The following RANGAP1 variants were observed in gnomAD, a reference collection of about 807,000 sequenced individuals.
The protein encoded by RANGAP1 is Ran GTPase activating protein 1.
A neutral mutation model predicts 63.5 loss-of-function variants in RANGAP1; 38 were observed. The ratio of observed to expected loss-of-function variants is 0.60; its 90% CI spans 0.46 to 0.78. The LOEUF (loss-of-function observed/expected upper bound fraction) is 0.78, where lower values mean the gene tolerates loss of function less well. Ranked by LOEUF, RANGAP1 falls within the 30% of genes least tolerant of loss-of-function variation. The pLI, the probability that RANGAP1 is intolerant of heterozygous loss-of-function variation, is 0.00. For synonymous variants in RANGAP1, 329 were observed against 310.5 expected (o/e 1.06, Z -0.63); for missense variants, 630 against 740.3 (o/e 0.85, Z 1.73).
chr22:41,254,839 G>A (rs986623850), intron 10 of RANGAP1, among the ~76,000 whole-genome samples: 2 of 152,108 alleles, frequency 1.3e-5, no homozygotes, highest in Non-Finnish European at 2.9e-5. Flanking sequence ...GGGTGTGGTG[G>A]CGGGCGCCTG....
chr22:41,265,079 T>C (rs2034390111), intron 4 of RANGAP1, among the ~76,000 whole-genome samples: 1 of 152,012 alleles, frequency 6.6e-6, no homozygotes, highest in Admixed American at 6.6e-5. Context: ...TTGTAAGAGG[T>C]GGCATTTGGA....
chr22:41,301,328 C>T, the RANGAP1 span, among the ~76,000 whole-genome samples: 1 of 152,074 alleles, frequency 6.6e-6, no homozygotes, highest in East Asian at 1.9e-4. Flanking sequence ...AAAGAAACCC[C>T]CCTAAAAGGC....
At chr22:41,259,293 G>A (rs1439082040) in intron 6 of RANGAP1, among the ~76,000 whole-genome samples, 7 of 152,170 alleles carry the variant, frequency 4.6e-5, no homozygotes, top group African/African-American at 7.2e-5. Flanking sequence ...GGGCAATGGG[G>A]GGAGCGGGTG....
Position 41,257,529 on chromosome 22 carries a change from C to G in RANGAP1, c.774+419G>C, listed in dbSNP as rs2033912834. 6.6e-6 allele frequency among the ~76,000 whole-genome samples: 1 copy of G among 152,204 alleles called. No individual in the cohort carries two copies. Among genetic ancestry groups the G allele is most frequent in the African/African-American group, 2.4e-5 (1 of 41,446 alleles). On this transcript the variant is annotated intron_variant, in intron 7 of 15. Transcript: ENST00000356244. The surrounding 1 kb of genome is among the most constrained non-coding windows in gnomAD (Gnocchi z 4.0). ...ACTCAGAAGGCTGAGGTGGGAGGAT[C>G]ACTTGATCCCAGAAGTTCAAGACCA...
chr22:41,247,748 C>T (rs2033146235), intron 15 of RANGAP1, among the ~76,000 whole-genome samples: 1 of 152,242 alleles, frequency 6.6e-6, no homozygotes, highest in Non-Finnish European at 1.5e-5. Context: ...GCAGCCAGGA[C>T]CAGGCCTGAC....
chr22:41,287,930 G>A (rs994063741), upstream of RANGAP1, among the ~76,000 whole-genome samples: 10 of 151,958 alleles, frequency 6.6e-5, no homozygotes, highest in African/African-American at 2.4e-4. Context: ...AGGTTGCAGT[G>A]AGCCGAGACG....
At chr22:41,258,831 T>G (rs1053936041) in intron 6 of RANGAP1, among the ~76,000 whole-genome samples, 1 of 152,114 alleles carries the variant, frequency 6.6e-6, no homozygotes, top group African/African-American at 2.4e-5. Context: ...ATTTTGTATT[T>G]TTAGTAGAGA....
intron 3 of RANGAP1, 53 bp from the exon 4 acceptor site, chr22:41,268,209 T>A: frequency 7.2e-7 from 1 of 1,381,282 alleles, no homozygotes; most frequent in Non-Finnish European, 1.0e-6. Flanking sequence ...TGGAGGCCCA[T>A]AGTGAAGCCT....
At chr22:41,289,071 C>T (rs1010714080), upstream of RANGAP1, among the ~76,000 whole-genome samples, 5 of 151,550 alleles carry the variant, frequency 3.3e-5, no homozygotes, top group African/African-American at 9.7e-5. Context: ...TACAGGTGCA[C>T]GCCACCACGC....
At chr22:41,291,779 T>C in the RANGAP1 span, among the ~76,000 whole-genome samples, 1 of 150,320 alleles carries the variant, frequency 6.7e-6, no homozygotes, top group African/African-American at 2.4e-5. Flanking sequence ...CGGGCATCTG[T>C]AGTCCCAGCT....
chr22:41,280,178 C>T (rs1229646445), intron 2 of RANGAP1, among the ~76,000 whole-genome samples: 1 of 152,180 alleles, frequency 6.6e-6, no homozygotes, highest in Non-Finnish European at 1.5e-5. Flanking sequence ...CATCAGCACG[C>T]TCCCAGCTAC....
upstream of RANGAP1, among the ~76,000 whole-genome samples, chr22:41,289,248 T>A (rs2035809204): frequency 6.6e-6 from 1 of 151,968 alleles, no homozygotes; most frequent in South Asian, 2.1e-4. Context: ...TAAACCTCTT[T>A]ACAAATGGGG....
At chr22:41,297,260 G>A in the RANGAP1 span, among the ~76,000 whole-genome samples, 1 of 152,030 alleles carries the variant, frequency 6.6e-6, no homozygotes, top group East Asian at 1.9e-4. Flanking sequence ...CCATCATGGA[G>A]GAGGAATTCT....
At chr22:41,266,645 C>T (rs529263408) in intron 4 of RANGAP1, among the ~76,000 whole-genome samples, 117 of 152,158 alleles carry the variant, frequency 7.7e-4, no homozygotes, top group African/African-American at 2.8e-3. Flanking sequence ...GTGATTCTTC[C>T]GCCTCAGCAT....
chr22:41,249,223 G>GCA, intron 15 of RANGAP1, 107 bp downstream of exon 15: 1 of 1,421,838 alleles, frequency 7.0e-7, no homozygotes, highest in Admixed American at 2.6e-5. Flanking sequence ...AGTGGGGCCA[G>GCA]CAGGCTGGCT....
Position 41,274,738 on chromosome 22 carries a change from C to T in RANGAP1, c.113-11G>A. 1 of 1,613,726 alleles carries T rather than the reference C, an allele frequency of 6.2e-7. No individual in the cohort carries two copies. Among genetic ancestry groups the T allele is most frequent in the Non-Finnish European group, 8.5e-7 (1 of 1,179,870 alleles). On this transcript the variant is annotated splice_polypyrimidine_tract_variant and intron_variant, in intron 2 of 15. Coordinates refer to ENST00000356244, the MANE Select transcript of RANGAP1 (RefSeq NM_002883.4). ...TAATCACATCTTTAGCTGCCAGGGA[C>T]CAAAGAGCAGAACCTTAGGCTTTTG...
rs1434494824 is a variant in RANGAP1 at position 41,249,813 on chromosome 22, G to A, written c.1488C>T (p.Ala496=). The A allele has an allele frequency of 1.9e-6, 3 of 1,613,308 alleles. No individual in the cohort carries two copies. Among genetic ancestry groups the A allele is most frequent in the East Asian group, 4.5e-5 (2 of 44,874 alleles). The change falls in exon 14 of 16, where the codon GCC becomes GCT. Residue 496 remains alanine, a synonymous_variant. Coordinates refer to ENST00000356244, the MANE Select transcript of RANGAP1 (RefSeq NM_002883.4). ...VRMAVQDAVD[A]LMQKAFNSSS... ...AGGAGTTGAAAGCCTTCTGCATCAG[G>A]GCATCTGTAGGGCAGAAGCAGCAGG...
At chr22:41,266,030 A>T (rs531091961) in intron 4 of RANGAP1, among the ~76,000 whole-genome samples, 1 of 151,996 alleles carries the variant, frequency 6.6e-6, no homozygotes, top group African/African-American at 2.4e-5. Flanking sequence ...GTGAAACCCC[A>T]TCTCTACTAA....
At chr22:41,282,917 G>A (rs1241357311) in intron 1 of RANGAP1, among the ~76,000 whole-genome samples, 2 of 152,172 alleles carry the variant, frequency 1.3e-5, no homozygotes, top group Non-Finnish European at 1.5e-5. Context: ...GGTGCTATCC[G>A]AAAGGCCTCC....
Sources: allele counts gnomAD v4.1 joint callset (sites outside exome capture counted in the v4.1 genomes callset), GRCh38; gene constraint gnomAD v4.1.1; non-coding constraint Gnocchi (gnomAD v3.1); transcripts MANE v1.5; gene names NCBI Gene and HGNC (gene_info 2026-07-23, HGNC 2026-07-21).